NOX4: variants seen among roughly 807,000 people sequenced by gnomAD.
NOX4 encodes the protein NADPH oxidase 4, also known as kidney oxidase-1.
NOX4 carries 69 observed loss-of-function variants against 87.6 expected under a neutral mutation model. The observed-to-expected ratio is 0.79, with a 90% confidence interval of 0.65 to 0.96. The LOEUF is 0.96. NOX4 is among the 40% of genes least tolerant of loss of function. The pLI is 0.00. For missense variants in NOX4, 680 were observed against 681.5 expected (o/e 1.00, Z 0.02); for synonymous variants, 275 against 238.2 (o/e 1.15, Z -1.42).
the NOX4 span, chr11:89,545,091 G>A: frequency 2.0e-5 from 3 of 152,092 alleles, no homozygotes; most frequent in Non-Finnish European, 4.4e-5. Context: ...TTGAATAGAA[G>A]GAAACCAAAA....
intron 17 of NOX4, among the ~76,000 whole-genome samples, chr11:89,335,638 T>C (rs1325053585): frequency 2.0e-5 from 3 of 151,852 alleles, no homozygotes; most frequent in Admixed American, 6.6e-5. Context: ...CTGTAGACTA[T>C]TTCTAAGCCA....
At chr11:89,557,546 T>C in the NOX4 span, among the ~76,000 whole-genome samples, 1 of 152,284 alleles carries the variant, frequency 6.6e-6, no homozygotes, top group South Asian at 2.1e-4. Flanking sequence ...CTGCCTTCTG[T>C]TGACTTTTTA....
chr11:89,389,985 A>G (rs1941016362), intron 11 of NOX4, among the ~76,000 whole-genome samples: 1 of 152,188 alleles, frequency 6.6e-6, no homozygotes, highest in Non-Finnish European at 1.5e-5. Flanking sequence ...TAGGCACTTA[A>G]TTAGTAGGTA....
chr11:89,438,416 A>C (rs1944205540), intron 6 of NOX4, among the ~76,000 whole-genome samples: 2 of 111,344 alleles, frequency 1.8e-5, no homozygotes, highest in Admixed American at 2.5e-4. Context: ...TATATAATAT[A>C]TAATTATAAT....
At chr11:89,469,203 A>G (rs1945826424) in intron 2 of NOX4, among the ~76,000 whole-genome samples, 1 of 152,172 alleles carries the variant, frequency 6.6e-6, no homozygotes, top group Non-Finnish European at 1.5e-5. Flanking sequence ...TTCTCAACAA[A>G]TTAAGGGAAC....
intron 12 of NOX4, among the ~76,000 whole-genome samples, chr11:89,373,091 A>C (rs1939566002): frequency 6.6e-6 from 1 of 151,698 alleles, no homozygotes; most frequent in Non-Finnish European, 1.5e-5. Flanking sequence ...GATTATTTTG[A>C]CTCATGTTTT....
the NOX4 span, among the ~76,000 whole-genome samples, chr11:89,558,358 A>T: frequency 4.0e-4 from 61 of 152,292 alleles, 1 homozygote; most frequent in African/African-American, 1.4e-3. Context: ...TTAATAAACT[A>T]AGAGTTAATT....
chr11:89,354,977 G>C lies in NOX4; in HGVS notation c.1202C>G (p.Ser401Cys). The C allele has an allele frequency of 1.9e-6, 3 of 1,592,358 alleles. No individual in the cohort carries two copies. The highest frequency in any genetic ancestry group is 2.6e-6 in the Non-Finnish European group (3 of 1,162,978). ...TTTTGCTTACTTGGGATAATTTCTA[G>C]ATTGAATGAAGGGCAGAATTTCGGA... Reference protein sequence around the residue: ...QDSEILPFIQSRNYPKLYIDG... With the variant: ...QDSEILPFIQCRNYPKLYIDG... The change falls in exon 13 of 18, where the codon TCT (serine) becomes TGT (cysteine). Residue 401 changes from serine (S) to cysteine (C), a missense_variant. Ser to Cys is a moderately radical substitution (Grantham distance 112). Coordinates refer to ENST00000263317, the MANE Select transcript of NOX4 (RefSeq NM_016931.5).
chr11:89,525,657 C>A, the NOX4 span, among the ~76,000 whole-genome samples: 4 of 151,672 alleles, frequency 2.6e-5, no homozygotes, highest in Non-Finnish European at 5.9e-5. Context: ...ATCTTTTCTC[C>A]CATTTTGTAA....
At position 89,475,734 on chromosome 11, in the gene NOX4, T is replaced by A. The variant is rs997046345; in HGVS notation, c.153+14724A>T. Among the ~76,000 whole-genome samples, 46 of 152,134 alleles carry A rather than the reference T, an allele frequency of 3.0e-4. 1 individual carries two copies. The highest frequency in any genetic ancestry group is 9.6e-4 in the African/African-American group (40 of 41,544). On this transcript the variant is annotated intron_variant, in intron 2 of 17. Coordinates refer to ENST00000263317, the MANE Select transcript of NOX4 (RefSeq NM_016931.5). The stretch of plus-strand genomic sequence containing the variant: ...AAAATTATAATAATTGATATTATAC[T>A]ATAGCAATCTAAGAAATAAGAGGGG...
At chr11:89,489,958 TATC>T (rs1946787818) in intron 2 of NOX4, among the ~76,000 whole-genome samples, 1 of 152,190 alleles carries the variant, frequency 6.6e-6, no homozygotes, top group African/African-American at 2.4e-5. Flanking sequence ...AATACTGGAA[TATC>T]ATCAGCCACT....
At chr11:89,578,455 C>G in the NOX4 span, among the ~76,000 whole-genome samples, 1 of 152,206 alleles carries the variant, frequency 6.6e-6, no homozygotes, top group Non-Finnish European at 1.5e-5. Flanking sequence ...GCATGAACCA[C>G]TGCACCTGGC....
At chr11:89,485,384 T>C (rs1354826983) in intron 2 of NOX4, among the ~76,000 whole-genome samples, 2 of 152,038 alleles carry the variant, frequency 1.3e-5, no homozygotes, top group African/African-American at 4.8e-5. Flanking sequence ...AAATATAATA[T>C]ATATAACTAA....
At chr11:89,435,867 T>G (rs1350557324) in intron 6 of NOX4, among the ~76,000 whole-genome samples, 1 of 152,144 alleles carries the variant, frequency 6.6e-6, no homozygotes. Context: ...ATCTCTTTTA[T>G]CTAAAGAATT....
chr11:89,345,512 C>T (rs1317214200), intron 13 of NOX4, among the ~76,000 whole-genome samples: 2 of 151,808 alleles, frequency 1.3e-5, no homozygotes, highest in African/African-American at 2.4e-5. Flanking sequence ...TGAGCTTAAA[C>T]AACCAATACT....
intron 6 of NOX4, among the ~76,000 whole-genome samples, chr11:89,440,405 T>G (rs1944404793): frequency 6.6e-6 from 1 of 152,090 alleles, no homozygotes; most frequent in Non-Finnish European, 1.5e-5. Flanking sequence ...GTGCAATTTC[T>G]GCCTCCTGGG....
chr11:89,365,602 A>T (rs978418074), intron 12 of NOX4, among the ~76,000 whole-genome samples: 2 of 151,812 alleles, frequency 1.3e-5, no homozygotes, highest in Non-Finnish European at 2.9e-5. Flanking sequence ...TTTTTTTAAC[A>T]ATGTTGGCTT....
At chr11:89,416,852 G>C (rs1942807639) in intron 8 of NOX4, among the ~76,000 whole-genome samples, 1 of 152,176 alleles carries the variant, frequency 6.6e-6, no homozygotes, top group Non-Finnish European at 1.5e-5. Context: ...CTAACAAGTA[G>C]TGCCAAATGG....
the NOX4 span, among the ~76,000 whole-genome samples, chr11:89,506,151 G>T: frequency 1.3e-5 from 2 of 151,590 alleles, no homozygotes; most frequent in African/African-American, 4.8e-5. Flanking sequence ...TGTCAATTCA[G>T]TGGAGAAACT....
Sources: gnomAD v4.1 joint callset for allele counts (sites outside exome capture counted in the v4.1 genomes callset) on GRCh38, gnomAD v4.1.1 for gene constraint, MANE v1.5 for transcripts, NCBI Gene and HGNC (gene_info 2026-07-23, HGNC 2026-07-21) for gene names.